The following RPTOR variants were observed in gnomAD, a reference collection of about 807,000 sequenced individuals.
RPTOR encodes regulatory associated protein of MTOR complex 1, also known as regulatory-associated protein of mTOR.
RPTOR carries 21 observed loss-of-function variants against 169.9 expected under a neutral mutation model. The observed-to-expected ratio is 0.12, with a 90% CI of 0.09 to 0.18. The LOEUF is 0.18. Ranked by LOEUF, RPTOR falls within the 10% of genes least tolerant of loss-of-function variation. RPTOR has a pLI of 1.00. For synonymous variants in RPTOR, 732 were observed against 753.2 expected (o/e 0.97, Z 0.46); for missense variants, 1,133 against 1,855.9 (o/e 0.61, Z 7.16).
chr17:80,548,702 T>A (rs1042818532), intron 1 of RPTOR, among the ~76,000 whole-genome samples: 1 of 152,028 alleles, frequency 6.6e-6, no homozygotes, highest in African/African-American at 2.4e-5. Context: ...GTGGGTTACC[T>A]ACGTAAGAAT....
intron 7 of RPTOR, among the ~76,000 whole-genome samples, chr17:80,807,478 G>A (rs1011034065): frequency 6.6e-6 from 1 of 152,110 alleles, no homozygotes; most frequent in African/African-American, 2.4e-5. Flanking sequence ...AGACTTCCAA[G>A]TAGCTGGGAT....
intron 24 of RPTOR, among the ~76,000 whole-genome samples, chr17:80,932,804 C>T (rs548546823): frequency 1.3e-5 from 2 of 152,272 alleles, no homozygotes; most frequent in East Asian, 1.9e-4. Flanking sequence ...TATATACAGA[C>T]ACACACATGC....
At chr17:80,919,306 C>T (rs1192791388) in intron 21 of RPTOR, among the ~76,000 whole-genome samples, 1 of 152,242 alleles carries the variant, frequency 6.6e-6, no homozygotes, top group Non-Finnish European at 1.5e-5. Flanking sequence ...CAGCCAGCGG[C>T]CTCTGCGCTA....
chr17:80,657,448 C>T (rs527719579), intron 3 of RPTOR, among the ~76,000 whole-genome samples: 2 of 152,292 alleles, frequency 1.3e-5, no homozygotes, highest in East Asian at 3.9e-4. Flanking sequence ...TTTTGATAGC[C>T]AAAGTAACCA....
intron 1 of RPTOR, among the ~76,000 whole-genome samples, chr17:80,560,026 T>C (rs535648993): frequency 4.6e-5 from 7 of 152,120 alleles, no homozygotes; most frequent in Non-Finnish European, 1.0e-4. Context: ...GTGCATGGGG[T>C]GAAGGGGACG....
At chr17:80,784,547 A>G (rs1457450443) in intron 6 of RPTOR, among the ~76,000 whole-genome samples, 2 of 151,632 alleles carry the variant, frequency 1.3e-5, no homozygotes, top group African/African-American at 4.9e-5. Context: ...ACCCACCACC[A>G]TGCCCAGCTA....
chr17:80,962,858 C>G, intron 32 of RPTOR, 70 bp from the exon 33 acceptor site: 1 of 1,600,934 alleles, frequency 6.2e-7, no homozygotes, highest in Non-Finnish European at 8.5e-7. Context: ...CCCGCGGTCT[C>G]GGCATCTGCG....
At chr17:80,744,289 TCCTGGCTACTAGCACAGC>T (rs2066535250) in intron 5 of RPTOR, among the ~76,000 whole-genome samples, 2 of 63,018 alleles carry the variant, frequency 3.2e-5, no homozygotes, top group Non-Finnish European at 6.4e-5. Context: ...ACTAGCACTG[TCCTGGCTACTAGCACAGC>T]CCTGGTTACT....
At chr17:80,883,192 A>G (rs2068205060) in intron 14 of RPTOR, among the ~76,000 whole-genome samples, 1 of 152,206 alleles carries the variant, frequency 6.6e-6, no homozygotes, top group Non-Finnish European at 1.5e-5. Context: ...AGGGCTTCCA[A>G]GGAGCAGTCT....
chr17:80,800,175 T>C (rs1456807617), intron 7 of RPTOR, among the ~76,000 whole-genome samples: 1 of 152,198 alleles, frequency 6.6e-6, no homozygotes, highest in Non-Finnish European at 1.5e-5. Flanking sequence ...ACCAGCTCAA[T>C]GGCAGTTTCA....
intron 2 of RPTOR, among the ~76,000 whole-genome samples, chr17:80,635,171 G>A (rs978938686): frequency 3.3e-5 from 5 of 152,074 alleles, no homozygotes; most frequent in African/African-American, 1.2e-4. Context: ...TCTCAGACCC[G>A]GTTATCCTTT....
intron 3 of RPTOR, among the ~76,000 whole-genome samples, chr17:80,648,394 G>A (rs2065613313): frequency 6.6e-6 from 1 of 152,056 alleles, no homozygotes; most frequent in Non-Finnish European, 1.5e-5. Flanking sequence ...GGGGTTTGGA[G>A]TGAGGATAAT....
chr17:80,630,258 A>G (rs2065431885), intron 2 of RPTOR, among the ~76,000 whole-genome samples: 1 of 152,194 alleles, frequency 6.6e-6, no homozygotes, highest in South Asian at 2.1e-4. Context: ...CATGCTGGAC[A>G]TTGTGTGTAG....
intron 21 of RPTOR, among the ~76,000 whole-genome samples, chr17:80,920,209 C>T (rs1380503211): frequency 6.6e-6 from 1 of 152,224 alleles, no homozygotes; most frequent in East Asian, 1.9e-4. Context: ...GGCAGGTCTG[C>T]CAGGTCACCT....
intron 21 of RPTOR, 47 bp downstream of exon 21, chr17:80,908,976 T>C (rs747705941): frequency 8.1e-6 from 11 of 1,349,948 alleles, no homozygotes; most frequent in Admixed American, 1.7e-5. Context: ...TGGTTCTCGG[T>C]TACGAGTATG....
At chr17:80,852,832 C>T (rs558584485) in intron 11 of RPTOR, among the ~76,000 whole-genome samples, 19 of 152,188 alleles carry the variant, frequency 1.2e-4, no homozygotes, top group African/African-American at 3.6e-4. Context: ...TCGTGCTGGC[C>T]GACCCCCAGG....
chr17:80,752,763 T>C (rs906167625), intron 5 of RPTOR, among the ~76,000 whole-genome samples: 1 of 152,194 alleles, frequency 6.6e-6, no homozygotes, highest in Non-Finnish European at 1.5e-5. Context: ...CATGGCAGGG[T>C]ATAGCAAACT....
chr17:80,684,288 A>G (rs149831794), intron 3 of RPTOR, among the ~76,000 whole-genome samples: 2 of 152,114 alleles, frequency 1.3e-5, no homozygotes, highest in African/African-American at 4.8e-5. Context: ...CTGCAAGTCA[A>G]AACTGTATAA....
rs769264643 is a variant in RPTOR at position 80,857,772 on chromosome 17, G to A, written c.1399-18G>A. On this transcript the variant is annotated intron_variant, in intron 12 of 33. Coordinates refer to ENST00000306801, the MANE Select transcript of RPTOR (RefSeq NM_020761.3). ...CTTGCTGCGGCACAGGTGCGCTGACGCCCTCCCTCGCCCCCAGGCCTTGTC... is the reference window on the plus strand; with the variant it reads ...CTTGCTGCGGCACAGGTGCGCTGACACCCTCCCTCGCCCCCAGGCCTTGTC... 88 of 1,589,238 alleles carry A rather than the reference G, an allele frequency of 5.5e-5. No individual in the cohort carries two copies. Among genetic ancestry groups the A allele is most frequent in the Admixed American group, 2.5e-4 (15 of 59,808 alleles).
Sources: allele counts gnomAD v4.1 joint callset (sites outside exome capture counted in the v4.1 genomes callset), GRCh38; gene constraint gnomAD v4.1.1; transcripts MANE v1.5; gene names NCBI Gene and HGNC (gene_info 2026-07-23, HGNC 2026-07-21).